INPP4B: variants seen among roughly 807,000 people sequenced by gnomAD.
INPP4B encodes inositol polyphosphate-4-phosphatase type II B.
A neutral mutation model predicts 122.5 loss-of-function variants in INPP4B; 55 were observed. The observed-to-expected ratio is 0.45, with a 90% CI of 0.36 to 0.56. INPP4B has a LOEUF of 0.56. Ranked by LOEUF, INPP4B falls within the 20% of genes least tolerant of loss-of-function variation. The pLI is 0.00. For synonymous variants in INPP4B, 403 were observed against 388.7 expected (o/e 1.04, Z -0.43); for missense variants, 1,000 against 1,097.7 (o/e 0.91, Z 1.26).
At position 142,463,293 on chromosome 4, in the gene INPP4B, T is replaced by C. The variant is rs140839773; in HGVS notation, c.-190-567A>G. On this transcript the variant is annotated intron_variant, in intron 2 of 25. Coordinates refer to ENST00000262992, the MANE Select transcript of INPP4B (RefSeq NM_001101669.3). ...ATTTATTTTTGCTTGTGGGAAGGGGTTCTGGTGTCTGAATCACCCAGTGCC... is the reference window on the plus strand; with the variant it reads ...ATTTATTTTTGCTTGTGGGAAGGGGCTCTGGTGTCTGAATCACCCAGTGCC... Among the ~76,000 whole-genome samples the C allele has an allele frequency of 4.5e-3, 679 of 152,270 alleles. 5 individuals carry two copies. Among genetic ancestry groups the C allele is most frequent in the African/African-American group, 0.016 (652 of 41,560 alleles).
intron 23 of INPP4B, among the ~76,000 whole-genome samples, chr4:142,096,768 AG>A (rs1418763482): frequency 6.6e-6 from 1 of 152,200 alleles, no homozygotes; most frequent in Non-Finnish European, 1.5e-5. Context: ...AGAAAATAAA[AG>A]TATGGTGCTG....
In INPP4B at chr4:142,339,935, G is replaced by T. The variant is rs544521077; in HGVS notation, c.373-25173C>A. Reference sequence around the variant, plus strand: ...AAAAGCAATTATTAAACTGAAAAAAGGAACAAATTATAGTTAGCAACATGA... The same window carrying T: ...AAAAGCAATTATTAAACTGAAAAAATGAACAAATTATAGTTAGCAACATGA... On this transcript the variant is annotated intron_variant, in intron 7 of 25. Transcript: ENST00000262992. Among the ~76,000 whole-genome samples, 3 of 152,116 alleles carry T rather than the reference G, an allele frequency of 2.0e-5. No homozygotes were observed. In the East Asian group the frequency reaches 5.8e-4, roughly 29 times the overall value.
chr4:142,277,375 T>C (rs1292797857), intron 9 of INPP4B, among the ~76,000 whole-genome samples: 1 of 151,720 alleles, frequency 6.6e-6, no homozygotes, highest in Non-Finnish European at 1.5e-5. Context: ...TTTATTGCCA[T>C]AATAAAAAAA....
intron 7 of INPP4B, among the ~76,000 whole-genome samples, chr4:142,315,635 A>C (rs920118215): frequency 6.7e-6 from 1 of 148,422 alleles, no homozygotes. Flanking sequence ...CATTTCAAAT[A>C]AAAAAAGTCA....
intron 13 of INPP4B, 76 bp downstream of exon 13, chr4:142,208,820 A>G: frequency 8.8e-7 from 1 of 1,130,560 alleles, no homozygotes; most frequent in Non-Finnish European, 1.2e-6. Flanking sequence ...CATAAAATCT[A>G]TTTATTATTT....
intron 9 of INPP4B, among the ~76,000 whole-genome samples, chr4:142,303,214 C>T (rs914594402): frequency 2.6e-5 from 4 of 151,990 alleles, no homozygotes; most frequent in Admixed American, 6.6e-5. Context: ...AGTGCTCGGT[C>T]GAATTAGTTT....
rs5862604 is a variant in INPP4B at position 142,483,182 on chromosome 4, C to CTTTTTTTTTTTT, written c.-190-20468_-190-20457dup. Among the ~76,000 whole-genome samples, 35 of 48,334 alleles carry CTTTTTTTTTTTT rather than the reference C, an allele frequency of 7.2e-4. 4 individuals are homozygous for CTTTTTTTTTTTT. The highest frequency in any genetic ancestry group is 3.4e-3 in the East Asian group (5 of 1,464). The allele number at this position is 48,334 out of a possible 152,430, so 31.7% of individuals were successfully genotyped here. ...TAATAATGACTGGAGTCAGGCTATG[C>CTTTTTTTTTTTT]TTTTTTTTTTTTTTTTTTTTTTTTT... On this transcript the variant is annotated intron_variant, in intron 2 of 25. Coordinates refer to ENST00000262992, the MANE Select transcript of INPP4B (RefSeq NM_001101669.3).
chr4:142,223,080 G>C (rs772544188), intron 12 of INPP4B, among the ~76,000 whole-genome samples: 6 of 152,096 alleles, frequency 3.9e-5, no homozygotes, highest in Non-Finnish European at 8.8e-5. Context: ...TTCTACAGCT[G>C]AGGAAACTGA....
intron 1 of INPP4B, among the ~76,000 whole-genome samples, chr4:142,734,234 A>C (rs978898750): frequency 1.3e-5 from 2 of 152,166 alleles, no homozygotes; most frequent in Non-Finnish European, 2.9e-5. Flanking sequence ...TACTGTCTGC[A>C]AGTCAAGGTG....
chr4:142,531,455 A>T (rs1248340583), intron 2 of INPP4B, among the ~76,000 whole-genome samples: 13 of 152,278 alleles, frequency 8.5e-5, no homozygotes. Flanking sequence ...ATGTAATCAA[A>T]ACATGCTTAT....
intron 11 of INPP4B, among the ~76,000 whole-genome samples, chr4:142,256,525 C>A (rs1402925010): frequency 1.3e-5 from 2 of 152,110 alleles, no homozygotes; most frequent in African/African-American, 2.4e-5. Context: ...AAGGGGATAT[C>A]ACCACCGATC....
At chr4:142,459,953 A>G (rs1816363136) in intron 3 of INPP4B, among the ~76,000 whole-genome samples, 1 of 152,216 alleles carries the variant, frequency 6.6e-6, no homozygotes, top group South Asian at 2.1e-4. Context: ...TGTGCCTTTA[A>G]GTCTTTGCCT....
At chr4:142,481,656 G>C (rs1016397740) in intron 2 of INPP4B, among the ~76,000 whole-genome samples, 3 of 151,980 alleles carry the variant, frequency 2.0e-5, no homozygotes, top group Non-Finnish European at 4.4e-5. Context: ...TTGGCATGTG[G>C]CTAGGTATAA....
At chr4:142,570,625 T>C (rs1732593294) in intron 2 of INPP4B, among the ~76,000 whole-genome samples, 1 of 152,046 alleles carries the variant, frequency 6.6e-6, no homozygotes, top group Admixed American at 6.6e-5. Context: ...CCATTTAAAG[T>C]ATATTTAAAG....
At chr4:142,680,948 C>T (rs1470384922) in intron 2 of INPP4B, among the ~76,000 whole-genome samples, 1 of 151,872 alleles carries the variant, frequency 6.6e-6, no homozygotes, top group Non-Finnish European at 1.5e-5. Context: ...TTTTTACAGA[C>T]ATTCATGAAA....
At chr4:142,446,024 G>A (rs927225052) in intron 3 of INPP4B, among the ~76,000 whole-genome samples, 1 of 151,888 alleles carries the variant, frequency 6.6e-6, no homozygotes, top group African/African-American at 2.4e-5. Context: ...TATGCTTGGA[G>A]GAAAATTTGT....
intron 5 of INPP4B, among the ~76,000 whole-genome samples, chr4:142,406,915 ATCC>A (rs1248653011): frequency 1.5e-4 from 23 of 152,222 alleles, no homozygotes; most frequent in African/African-American, 5.3e-4. Flanking sequence ...GGTAGCTTAC[ATCC>A]TACCCCACTG....
At chr4:142,832,758 T>TC (rs1350962987) in intron 1 of INPP4B, among the ~76,000 whole-genome samples, 3,897 of 147,362 alleles carry the variant, frequency 0.026, 183 homozygotes, top group African/African-American at 0.087. Flanking sequence ...CAGTCTCTAC[T>TC]CCCCCCCCGC....
chr4:142,524,666 G>A (rs1436400552), intron 2 of INPP4B, among the ~76,000 whole-genome samples: 3 of 152,098 alleles, frequency 2.0e-5, no homozygotes, highest in African/African-American at 7.2e-5. Context: ...ATGCAGAAAA[G>A]GCCTTTGACA....
Sources: allele counts gnomAD v4.1 joint callset (sites outside exome capture counted in the v4.1 genomes callset), GRCh38; gene constraint gnomAD v4.1.1; transcripts MANE v1.5; gene names NCBI Gene and HGNC (gene_info 2026-07-23, HGNC 2026-07-21).